The following EIF5A variants were observed in gnomAD, a reference collection of about 807,000 sequenced individuals.
EIF5A encodes eukaryotic translation initiation factor 5A-1.
EIF5A carries 1 observed loss-of-function variant against 16.6 expected under a neutral mutation model. The observed-to-expected ratio is 0.06, with a 90% confidence interval of 0.02 to 0.28. The LOEUF is 0.28. Among genes scored for constraint, EIF5A ranks in the 10% least tolerant of loss-of-function variants. The pLI is 1.00. For synonymous variants in EIF5A, 80 were observed against 73.6 expected (o/e 1.09, Z -0.44); for missense variants, 29 against 196.1 (o/e 0.15, Z 5.09).
intron 1 of EIF5A, 148 bp from the exon 2 acceptor site, chr17:7,309,467 T>A: frequency 9.7e-7 from 1 of 1,027,078 alleles, no homozygotes; most frequent in East Asian, 2.4e-5. Flanking sequence ...TTGAGCCCAG[T>A]CAGTATTTTA....
At chr17:7,307,244 AG>A, upstream of EIF5A, 1 of 1,256,576 alleles carries the variant, frequency 8.0e-7, no homozygotes, top group East Asian at 2.6e-5. Context: ...CTGAGGTGGA[AG>A]GGGTTGTTTA....
At chr17:7,309,968 C>T in intron 2 of EIF5A, 168 bp downstream of exon 2, 3 of 1,539,724 alleles carry the variant, frequency 1.9e-6, no homozygotes, top group Non-Finnish European at 2.6e-6. Context: ...TACACCTGCT[C>T]CCCAGTCTTC....
At chr17:7,311,144 G>A (rs1371436129) in intron 3 of EIF5A, 22 bp downstream of exon 3, 11 of 1,612,174 alleles carry the variant, frequency 6.8e-6, no homozygotes, top group East Asian at 2.2e-5. Flanking sequence ...GTCTGGATGA[G>A]GATGGGTTAG....
intron 3 of EIF5A, 107 bp downstream of exon 3, chr17:7,311,229 T>G: frequency 6.3e-7 from 1 of 1,577,422 alleles, no homozygotes; most frequent in Non-Finnish European, 8.6e-7. Context: ...AGGAGGGAAA[T>G]GGCAGGAGAG....
intron 1 of EIF5A, chr17:7,308,074 C>T (rs2072681095): frequency 2.0e-6 from 2 of 992,250 alleles, no homozygotes; most frequent in South Asian, 4.2e-5. Context: ...GGCAAGGGTA[C>T]CTGGGCCGTT....
chr17:7,308,224 G>A, intron 1 of EIF5A: 1 of 1,023,732 alleles, frequency 9.8e-7, no homozygotes, highest in Non-Finnish European at 1.2e-6. Flanking sequence ...AGGAGGGGGC[G>A]GCCGCGGCAC....
chr17:7,308,479 A>T, intron 1 of EIF5A: 1 of 1,348,896 alleles, frequency 7.4e-7, no homozygotes, highest in South Asian at 1.1e-5. Context: ...ATCACCCCGG[A>T]GGGCCTGCTG....
chr17:7,308,428 C>T, intron 1 of EIF5A: 1 of 1,311,938 alleles, frequency 7.6e-7, no homozygotes, highest in Non-Finnish European at 1.0e-6. Flanking sequence ...TCCGAGGGGG[C>T]CTGAGATTTT....
At position 7,311,702 on chromosome 17, in the gene EIF5A, C is replaced by T. The variant is rs572810832; in HGVS notation, c.*11+51C>T. The T allele has an allele frequency of 3.5e-4, 569 of 1,608,576 alleles. 7 individuals are homozygous for T. The South Asian group carries it at 5.8e-3, about 16-fold the overall frequency. On this transcript the variant is annotated intron_variant, in intron 5 of 5. Coordinates refer to ENST00000336458, the MANE Select transcript of EIF5A (RefSeq NM_001970.5). Reference sequence around the variant, plus strand: ...CCCCTTCACATTTTGTTGTCCTCAGCAGAGCTGCTGTAGTCTTAATTGTTT... The same window carrying T: ...CCCCTTCACATTTTGTTGTCCTCAGTAGAGCTGCTGTAGTCTTAATTGTTT...
intron 1 of EIF5A, chr17:7,308,388 C>G: frequency 8.2e-7 from 1 of 1,224,586 alleles, no homozygotes; most frequent in Admixed American, 2.9e-5. Flanking sequence ...CCGGCAGCCC[C>G]TAGCGCGGGG....
upstream of EIF5A, chr17:7,307,272 T>G: frequency 8.5e-7 from 1 of 1,179,740 alleles, no homozygotes; most frequent in Non-Finnish European, 1.1e-6. Context: ...CGAACACGCA[T>G]GCGTTCTGAG....
intron 1 of EIF5A, chr17:7,308,050 G>T (rs1190167942): frequency 3.0e-6 from 3 of 986,388 alleles, no homozygotes; most frequent in African/African-American, 1.8e-5. Flanking sequence ...CCAGGGGCCA[G>T]ATCGGCCCAC....
At chr17:7,307,624 C>T (rs1374793981), upstream of EIF5A, 4 of 1,027,714 alleles carry the variant, frequency 3.9e-6, no homozygotes, top group Admixed American at 6.0e-5. Context: ...GAGTCGGCGC[C>T]TGCGTACTAA....
intron 1 of EIF5A, chr17:7,308,589 C>A: frequency 1.5e-6 from 2 of 1,350,476 alleles, no homozygotes; most frequent in Non-Finnish European, 2.0e-6. Context: ...AGTGGCACCC[C>A]TTCGAGCTGG....
At chr17:7,308,029 C>T (rs2072678845) in intron 1 of EIF5A, 3 of 980,000 alleles carry the variant, frequency 3.1e-6, no homozygotes, top group Non-Finnish European at 3.6e-6. Context: ...GCGGCCACGC[C>T]GGGGCGAGGG....
At chr17:7,310,340 G>C (rs1206667122) in intron 2 of EIF5A, 10 of 1,241,562 alleles carry the variant, frequency 8.1e-6, no homozygotes, top group African/African-American at 1.6e-5. Context: ...TGGGTTCCTT[G>C]AGCCTCCATG....
intron 1 of EIF5A, chr17:7,308,713 G>T: frequency 1.6e-6 from 1 of 628,308 alleles, no homozygotes; most frequent in Non-Finnish European, 2.4e-6. Flanking sequence ...CGTGATAGGC[G>T]TTCTTCACCT....
At chr17:7,310,772 C>T in intron 2 of EIF5A, 10 of 985,440 alleles carry the variant, frequency 1.0e-5, no homozygotes, top group Non-Finnish European at 1.2e-5. Context: ...TAACTGTCTT[C>T]TCCAAGCCTG....
intron 1 of EIF5A, among the ~76,000 whole-genome samples, chr17:7,309,039 C>T (rs2072729152): frequency 1.3e-5 from 2 of 151,918 alleles, no homozygotes; most frequent in South Asian, 4.1e-4. Context: ...CTTTCTCCCC[C>T]TTGGCTTGTT....
Sources: gnomAD v4.1 joint callset for allele counts (sites outside exome capture counted in the v4.1 genomes callset) on GRCh38, gnomAD v4.1.1 for gene constraint, MANE v1.5 for transcripts, NCBI Gene and HGNC (gene_info 2026-07-23, HGNC 2026-07-21) for gene names.